Variants in SLX4IP observed in about 807,000 individuals in gnomAD.
SLX4IP encodes the protein protein SLX4IP.
Under a neutral mutation model 32.9 loss-of-function variants are expected in SLX4IP, and 34 were observed. The ratio of observed to expected loss-of-function variants is 1.03; its 90% confidence interval spans 0.79 to 1.38. The LOEUF is 1.38. Among genes scored for constraint, SLX4IP ranks in the 40% most tolerant of loss-of-function variants. The pLI, the probability that SLX4IP is intolerant of heterozygous loss-of-function variation, is 0.00. For synonymous variants in SLX4IP, 172 were observed against 171.7 expected, an observed-to-expected ratio of 1.00 and a Z score of -0.01; for missense variants, 444 against 479.0, an observed-to-expected ratio of 0.93 and a Z score of 0.68.
chr20:10,481,744 G>T (rs1334702446), intron 2 of SLX4IP, among the ~76,000 whole-genome samples: 2 of 152,138 alleles, frequency 1.3e-5, no homozygotes, highest in Non-Finnish European at 2.9e-5. Flanking sequence ...AGACATACAG[G>T]CATAGCTTAG....
chr20:10,470,482 G>T (rs865900527), intron 2 of SLX4IP, among the ~76,000 whole-genome samples: 2 of 152,164 alleles, frequency 1.3e-5, no homozygotes, highest in Non-Finnish European at 2.9e-5. Context: ...AGGAAGCTAG[G>T]CCTCTATATG....
chr20:10,451,161 C>A (rs1440695102), intron 1 of SLX4IP, among the ~76,000 whole-genome samples: 1 of 151,300 alleles, frequency 6.6e-6, no homozygotes, highest in Admixed American at 6.6e-5. Flanking sequence ...AATAAGTGCC[C>A]TTCTTATTTA....
At chr20:10,547,224 T>C (rs1451099377) in intron 2 of SLX4IP, among the ~76,000 whole-genome samples, 1 of 152,238 alleles carries the variant, frequency 6.6e-6, no homozygotes, top group African/African-American at 2.4e-5. Flanking sequence ...CTCCTCCTTT[T>C]AGAAGCTGCT....
At chr20:10,608,234 T>C (rs2066926513) in intron 6 of SLX4IP, among the ~76,000 whole-genome samples, 1 of 152,206 alleles carries the variant, frequency 6.6e-6, no homozygotes. Flanking sequence ...TCTCCCCTTA[T>C]TCACTGATGA....
chr20:10,461,292 T>C (rs765730574), intron 2 of SLX4IP, among the ~76,000 whole-genome samples: 10 of 152,244 alleles, frequency 6.6e-5, no homozygotes, highest in Non-Finnish European at 1.3e-4. Context: ...GTCTGTTCCA[T>C]ACCCATGGAA....
intron 2 of SLX4IP, among the ~76,000 whole-genome samples, chr20:10,546,412 G>T (rs1013310361): frequency 6.6e-6 from 1 of 152,122 alleles, no homozygotes; most frequent in Non-Finnish European, 1.5e-5. Flanking sequence ...AGAATTATGA[G>T]GCATTTATTG....
At chr20:10,489,231 A>T (rs2065599555) in intron 2 of SLX4IP, among the ~76,000 whole-genome samples, 1 of 152,168 alleles carries the variant, frequency 6.6e-6, no homozygotes, top group South Asian at 2.1e-4. Flanking sequence ...TTGACTTGTC[A>T]TTAGGTTATA....
At chr20:10,455,741 T>C (rs886247821) in intron 1 of SLX4IP, among the ~76,000 whole-genome samples, 2 of 152,012 alleles carry the variant, frequency 1.3e-5, no homozygotes, top group African/African-American at 2.4e-5. Flanking sequence ...TTCCCAGTAG[T>C]TGGGATTACA....
At chr20:10,614,823 G>C (rs1253278212) in intron 6 of SLX4IP, among the ~76,000 whole-genome samples, 1 of 152,160 alleles carries the variant, frequency 6.6e-6, no homozygotes, top group Non-Finnish European at 1.5e-5. Flanking sequence ...TTCTTCCAAA[G>C]TGGTGTTGTC....
intron 5 of SLX4IP, among the ~76,000 whole-genome samples, chr20:10,600,716 C>T (rs78502755): frequency 0.024 from 3,661 of 152,270 alleles, 100 homozygotes; most frequent in Admixed American, 0.088. Context: ...AAAGGCTTTA[C>T]TCACCTGATT....
chr20:10,441,843 C>T (rs1018339310), intron 1 of SLX4IP, among the ~76,000 whole-genome samples: 2 of 151,868 alleles, frequency 1.3e-5, no homozygotes, highest in Non-Finnish European at 2.9e-5. Flanking sequence ...GAGTGGTCAC[C>T]AGTGAGGCCT....
At chr20:10,592,622 C>CTTTTTTTTTTT (rs33995611) in intron 4 of SLX4IP, among the ~76,000 whole-genome samples, 1 of 55,136 alleles carries the variant, frequency 1.8e-5, no homozygotes, top group African/African-American at 8.5e-5. Flanking sequence ...TATTCTTCAT[C>CTTTTTTTTTTT]TTTTTTTTTT....
At chr20:10,601,699 C>T in intron 5 of SLX4IP, 32 bp from the exon 6 acceptor site, 2 of 1,581,254 alleles carry the variant, frequency 1.3e-6, no homozygotes, top group Non-Finnish European at 1.7e-6. Context: ...TTTTTTGACA[C>T]CTTTAAACTT....
chr20:10,544,616 G>T (rs941977155), intron 2 of SLX4IP, among the ~76,000 whole-genome samples: 2 of 152,132 alleles, frequency 1.3e-5, no homozygotes, highest in African/African-American at 2.4e-5. Context: ...CGAACTCCTG[G>T]ACTCAAGCAA....
intron 2 of SLX4IP, among the ~76,000 whole-genome samples, chr20:10,477,557 G>A (rs1327462270): frequency 1.3e-5 from 2 of 152,076 alleles, no homozygotes; most frequent in East Asian, 1.9e-4. Flanking sequence ...GTGAGCCACC[G>A]TGCCCGGCCG....
rs1000434838 is a variant in SLX4IP, at chr20:10,627,620, T to G, written c.*4241T>G. 5 of 152,244 alleles carry G rather than the reference T, an allele frequency of 3.3e-5. No individual in the cohort carries two copies. The highest frequency in any genetic ancestry group is 4.8e-5 in the African/African-American group (2 of 41,462). 9.4% of individuals were successfully genotyped at this position (152,244 alleles called of 1,614,324 possible). ...GAATGGATAAAATTATCTTTAATTATCTAGAGCTACCCAGTACTGGGCTTG... is the reference window on the plus strand; with the variant it reads ...GAATGGATAAAATTATCTTTAATTAGCTAGAGCTACCCAGTACTGGGCTTG... On this transcript the variant is annotated 3_prime_UTR_variant, in exon 8 of 8. Transcript: ENST00000334534.
chr20:10,543,843 G>A lies in SLX4IP; in HGVS notation c.28-12388G>A, dbSNP rs537835590. On this transcript the variant is annotated intron_variant, in intron 2 of 7. Transcript: ENST00000334534. ...CATTTGATTCCTGGCTGAGGTTCAC[G>A]TGTGCTTTGTCAACTGCCTTCACCA... Among the ~76,000 whole-genome samples, 7 of 152,332 alleles carry A rather than the reference G, an allele frequency of 4.6e-5. No individual in the cohort carries two copies. The South Asian group carries it at 1.0e-3, about 23-fold the overall frequency.
intron 4 of SLX4IP, among the ~76,000 whole-genome samples, chr20:10,570,264 C>G (rs1271742481): frequency 6.6e-6 from 1 of 152,224 alleles, no homozygotes. Context: ...CATATCTGTT[C>G]CAGCTGTTAA....
intron 3 of SLX4IP, among the ~76,000 whole-genome samples, chr20:10,559,019 T>A (rs1037360936): frequency 1.8e-4 from 28 of 152,230 alleles, no homozygotes; most frequent in Non-Finnish European, 3.5e-4. Flanking sequence ...TATAGGGCAT[T>A]TATAGCCAAA....
Sources: gnomAD v4.1 joint callset for allele counts (sites outside exome capture counted in the v4.1 genomes callset) on GRCh38, gnomAD v4.1.1 for gene constraint, MANE v1.5 for transcripts, NCBI Gene and HGNC (gene_info 2026-07-23, HGNC 2026-07-21) for gene names.